The following TNFSF4 variants were observed in gnomAD, a reference collection of about 807,000 sequenced individuals.
The protein encoded by TNFSF4 is tumor necrosis factor ligand superfamily member 4.
In TNFSF4, 4 loss-of-function variants were observed where a neutral mutation model predicts 7.3. The ratio of observed to expected loss-of-function variants is 0.55; its 90% confidence interval spans 0.27 to 1.25. The LOEUF is 1.25. TNFSF4 is among the 50% of genes most tolerant of loss of function. The pLI is 0.12. For missense variants in TNFSF4, 181 were observed against 208.8 expected (o/e 0.87, Z 0.82); for synonymous variants, 76 against 83.7 (o/e 0.91, Z 0.50).
the TNFSF4 span, among the ~76,000 whole-genome samples, chr1:173,250,467 T>G: frequency 3.3e-5 from 5 of 150,794 alleles, no homozygotes; most frequent in East Asian, 2.1e-4. Flanking sequence ...TTTTTTGTTT[T>G]TTTTTTTTTT....
chr1:173,209,692 A>G (rs1650312349), upstream of TNFSF4, among the ~76,000 whole-genome samples: 2 of 152,088 alleles, frequency 1.3e-5, no homozygotes, highest in African/African-American at 4.8e-5. Flanking sequence ...AATTTCTTGT[A>G]GAGACTCCCT....
the TNFSF4 span, among the ~76,000 whole-genome samples, chr1:173,430,397 A>G: frequency 6.6e-6 from 1 of 152,216 alleles, no homozygotes; most frequent in Non-Finnish European, 1.5e-5. Context: ...CTCTGTATCG[A>G]TATTACGAAC....
At chr1:173,259,286 C>T in the TNFSF4 span, among the ~76,000 whole-genome samples, 1 of 151,432 alleles carries the variant, frequency 6.6e-6, no homozygotes, top group African/African-American at 2.4e-5. Context: ...TAAAAACAAA[C>T]AGAAAGCAAC....
the TNFSF4 span, among the ~76,000 whole-genome samples, chr1:173,382,755 A>G: frequency 8.6e-3 from 1,311 of 152,148 alleles, 15 homozygotes; most frequent in African/African-American, 0.029. Flanking sequence ...GGACTATGTC[A>G]TATCTACCAT....
chr1:173,444,375 T>C, the TNFSF4 span, among the ~76,000 whole-genome samples: 1 of 152,128 alleles, frequency 6.6e-6, no homozygotes, highest in Non-Finnish European at 1.5e-5. Flanking sequence ...TCTTATTATT[T>C]ACATTTTCTG....
chr1:173,244,703 T>A, the TNFSF4 span, among the ~76,000 whole-genome samples: 1 of 150,434 alleles, frequency 6.6e-6, no homozygotes, highest in African/African-American at 2.5e-5. Context: ...TAAAAAAAAT[T>A]GGGGGTAGCA....
At chr1:173,187,078 A>C (rs1337655146) in intron 2 of TNFSF4, among the ~76,000 whole-genome samples, 1 of 152,028 alleles carries the variant, frequency 6.6e-6, no homozygotes, top group Admixed American at 6.5e-5. Context: ...AAAAAGGAGT[A>C]AAAGCAAGAG....
At chr1:173,327,434 T>C in the TNFSF4 span, among the ~76,000 whole-genome samples, 1 of 151,646 alleles carries the variant, frequency 6.6e-6, no homozygotes. Context: ...ATTCAGGACA[T>C]AGGCATGGGC....
At chr1:173,383,201 C>T in the TNFSF4 span, among the ~76,000 whole-genome samples, 1 of 152,098 alleles carries the variant, frequency 6.6e-6, no homozygotes, top group African/African-American at 2.4e-5. Context: ...TGCTAAACAC[C>T]TTACAGCCCC....
At chr1:173,354,898 A>G in the TNFSF4 span, among the ~76,000 whole-genome samples, 2 of 152,194 alleles carry the variant, frequency 1.3e-5, no homozygotes, top group East Asian at 3.8e-4. Context: ...TTAGCTTCCT[A>G]TTGCTGCTAT....
At chr1:173,296,556 G>A in the TNFSF4 span, among the ~76,000 whole-genome samples, 1 of 151,918 alleles carries the variant, frequency 6.6e-6, no homozygotes, top group East Asian at 1.9e-4. Context: ...AGGTGTGGTG[G>A]CTTTTTTAAC....
the TNFSF4 span, among the ~76,000 whole-genome samples, chr1:173,362,196 A>C: frequency 6.6e-6 from 1 of 152,234 alleles, no homozygotes; most frequent in Admixed American, 6.5e-5. Flanking sequence ...TATAATAAAG[A>C]AAGCCTTGGT....
At chr1:173,232,358 T>C in the TNFSF4 span, among the ~76,000 whole-genome samples, 1 of 152,192 alleles carries the variant, frequency 6.6e-6, no homozygotes, top group Non-Finnish European at 1.5e-5. Context: ...TCAGCTTAAG[T>C]AGATTTTGGG....
the TNFSF4 span, among the ~76,000 whole-genome samples, chr1:173,295,273 CA>C: frequency 1.3e-5 from 2 of 151,874 alleles, no homozygotes; most frequent in Admixed American, 6.6e-5. Context: ...CATTTTCACA[CA>C]AAAATATGTA....
At chr1:173,261,991 A>T in the TNFSF4 span, among the ~76,000 whole-genome samples, 4 of 152,222 alleles carry the variant, frequency 2.6e-5, no homozygotes, top group Admixed American at 2.6e-4. Context: ...TAAGACCAAC[A>T]TCATCCTGAT....
chr1:173,397,086 T>A, the TNFSF4 span, among the ~76,000 whole-genome samples: 1 of 152,198 alleles, frequency 6.6e-6, no homozygotes, highest in South Asian at 2.1e-4. Flanking sequence ...GTCTGACATA[T>A]AAAACCTATG....
upstream of TNFSF4, among the ~76,000 whole-genome samples, chr1:173,211,821 A>C (rs1475007078): frequency 6.6e-6 from 1 of 152,200 alleles, no homozygotes; most frequent in African/African-American, 2.4e-5. Flanking sequence ...CTAGTTTATC[A>C]TCTGAATCAC....
At chr1:173,173,854 G>A in the TNFSF4 span, among the ~76,000 whole-genome samples, 2 of 152,186 alleles carry the variant, frequency 1.3e-5, no homozygotes, top group African/African-American at 2.4e-5. Flanking sequence ...GTGATGGGAG[G>A]GGCTGCCACG....
chr1:173,412,896 C>G, the TNFSF4 span, among the ~76,000 whole-genome samples: 1 of 152,046 alleles, frequency 6.6e-6, no homozygotes. Context: ...GTACACTTTG[C>G]AACAGATAAG....
Sources: allele counts gnomAD v4.1 joint callset (sites outside exome capture counted in the v4.1 genomes callset), GRCh38; gene constraint gnomAD v4.1.1; transcripts MANE v1.5; gene names NCBI Gene and HGNC (gene_info 2026-07-23, HGNC 2026-07-21).